The following SBK1 variants were observed in gnomAD, a reference collection of about 807,000 sequenced individuals.
The protein encoded by SBK1 is SH3 domain binding kinase 1, also known as serine/threonine-protein kinase SBK1.
In SBK1, 11 loss-of-function variants were observed where a neutral mutation model predicts 24.4. The observed-to-expected ratio is 0.45, with a 90% confidence interval of 0.28 to 0.75. The LOEUF (loss-of-function observed/expected upper bound fraction) is 0.75, where lower values mean the gene tolerates loss of function less well. SBK1 is among the 30% of genes least tolerant of loss of function. SBK1 has a pLI of 0.12. For synonymous variants in SBK1, 308 were observed against 284.4 expected, an observed-to-expected ratio of 1.08 and a Z score of -0.83; for missense variants, 467 against 620.5, an observed-to-expected ratio of 0.75 and a Z score of 2.63.
At chr16:28,312,314 C>T (rs1480235504) in intron 1 of SBK1, among the ~76,000 whole-genome samples, 2 of 152,318 alleles carry the variant, frequency 1.3e-5, no homozygotes, top group South Asian at 2.1e-4. Context: ...GCGGTCACCT[C>T]GGTTTTCTAA....
At chr16:28,293,858 C>T (rs2044620137) in intron 1 of SBK1, among the ~76,000 whole-genome samples, 1 of 152,130 alleles carries the variant, frequency 6.6e-6, no homozygotes, top group African/African-American at 2.4e-5. Context: ...TGCTGCCCGA[C>T]CCAGGCCACA....
intron 1 of SBK1, among the ~76,000 whole-genome samples, chr16:28,315,156 A>AT (rs974963590): frequency 5.9e-5 from 9 of 151,466 alleles, no homozygotes; most frequent in African/African-American, 4.9e-5. Flanking sequence ...GGAAAGGCTC[A>AT]TCCCCCATAG....
chr16:28,261,479 A>ACACACACACAC (rs2044397510), intron 1 of SBK1, among the ~76,000 whole-genome samples: 5 of 142,656 alleles, frequency 3.5e-5, no homozygotes, highest in African/African-American at 1.3e-4. Context: ...ACACACACAC[A>ACACACACACAC]ATTAGCCAGG....
At chr16:28,289,014 G>A (rs1205333511), upstream of SBK1, among the ~76,000 whole-genome samples, 1 of 152,134 alleles carries the variant, frequency 6.6e-6, no homozygotes, top group Non-Finnish European at 1.5e-5. Flanking sequence ...CCCAGATAAG[G>A]AATCAGGGAA....
chr16:28,261,379 G>C (rs2044396499), intron 1 of SBK1, among the ~76,000 whole-genome samples: 1 of 151,696 alleles, frequency 6.6e-6, no homozygotes, highest in Non-Finnish European at 1.5e-5. Context: ...TAGATCGCTT[G>C]AGCTCAGGAG....
rs1034206946 is a variant in SBK1, at chr16:28,322,153, C to T, written c.*1232C>T. The T allele has an allele frequency of 1.3e-5, 2 of 152,444 alleles. No homozygotes were observed. The highest frequency in any genetic ancestry group is 2.9e-5 in the Non-Finnish European group (2 of 68,208). 9.4% of individuals were successfully genotyped at this position (152,444 alleles called of 1,614,324 possible). On this transcript the variant is annotated 3_prime_UTR_variant, in exon 4 of 4. Coordinates refer to ENST00000341901, the MANE Select transcript of SBK1 (RefSeq NM_001024401.3). Reference sequence around the variant, plus strand: ...AGGGTGCAGACGCATGGGTGCCATCCTTTGCGTTCAGTGACTGTGCGTCCA... The same window carrying T: ...AGGGTGCAGACGCATGGGTGCCATCTTTTGCGTTCAGTGACTGTGCGTCCA...
At chr16:28,275,671 G>A (rs1274590501) in intron 1 of SBK1, among the ~76,000 whole-genome samples, 3 of 152,098 alleles carry the variant, frequency 2.0e-5, no homozygotes, top group Admixed American at 2.0e-4. Flanking sequence ...TTTGAGCCCA[G>A]GAGTTCAAGA....
upstream of SBK1, among the ~76,000 whole-genome samples, chr16:28,288,771 G>A (rs967785898): frequency 1.3e-5 from 2 of 152,132 alleles, no homozygotes; most frequent in Non-Finnish European, 2.9e-5. Flanking sequence ...AGCCATGCTG[G>A]TGCCCTCTCT....
intron 1 of SBK1, among the ~76,000 whole-genome samples, chr16:28,293,613 T>G (rs1273670482): frequency 6.6e-6 from 1 of 151,608 alleles, no homozygotes; most frequent in African/African-American, 2.4e-5. Context: ...GCTGCGAGCC[T>G]GGAGGTTGGC....
Position 28,320,881 on chromosome 16 carries a change from G to A in SBK1, c.1235G>A (p.Gly412Glu). ...GACGGCCGCGCGGACAAGAGCAAAGGGCAGGTGGTGCTGGCCACGGCCATC... is the reference window on the plus strand; with the variant it reads ...GACGGCCGCGCGGACAAGAGCAAAGAGCAGGTGGTGCTGGCCACGGCCATC... ...RTDGRADKSK[G>E]QVVLATAIEI... The change falls in exon 4 of 4, where the codon GGG becomes GAG. Residue 412 changes from glycine to glutamate, a missense_variant. Around this residue, in one of 4 missense-constraint regions of SBK1, gnomAD observed 166 missense variants for 146.8 expected, o/e 1.13. Coordinates refer to ENST00000341901, the MANE Select transcript of SBK1 (RefSeq NM_001024401.3). The surrounding 1 kb of genome is among the most constrained non-coding windows in gnomAD (Gnocchi z 8.5). 3 of 1,504,732 alleles carry A rather than the reference G, an allele frequency of 2.0e-6. No individual in the cohort carries two copies. The highest frequency in any genetic ancestry group is 2.7e-6 in the Non-Finnish European group (3 of 1,131,836). 93.2% of individuals were successfully genotyped at this position (1,504,732 alleles called of 1,614,324 possible).
chr16:28,295,624 C>A (rs968323207), intron 1 of SBK1, among the ~76,000 whole-genome samples: 3 of 152,072 alleles, frequency 2.0e-5, no homozygotes, highest in African/African-American at 7.2e-5. Context: ...TGGTAGGGCA[C>A]GTGCTGTAAA....
intron 1 of SBK1, among the ~76,000 whole-genome samples, chr16:28,294,901 C>G (rs983864020): frequency 2.6e-5 from 4 of 152,248 alleles, no homozygotes; most frequent in Admixed American, 2.6e-4. Flanking sequence ...ATCAGGTGCC[C>G]TGAAGACTGA....
rs1041811111 is a variant in SBK1 at position 28,323,532 on chromosome 16, A to T, written c.*2611A>T. 2 of 152,676 alleles carry T rather than the reference A, an allele frequency of 1.3e-5. No individual in the cohort carries two copies. The highest frequency in any genetic ancestry group is 2.9e-5 in the Non-Finnish European group (2 of 68,048). 9.5% of individuals were successfully genotyped at this position (152,676 alleles called of 1,614,324 possible). A position where few individuals can be genotyped will look rare whatever the true frequency, so the allele number is the denominator to read the frequency against. On this transcript the variant is annotated 3_prime_UTR_variant, in exon 4 of 4. Coordinates refer to ENST00000341901, the MANE Select transcript of SBK1 (RefSeq NM_001024401.3). ...AGCCCCCTGGATGGGAGGCGGGGCC[A>T]CAGGTCGGCTAGAGGGTCTCCACCA... is the stretch of plus-strand genomic sequence containing the variant.
intron 1 of SBK1, among the ~76,000 whole-genome samples, chr16:28,294,213 G>C (rs571450150): frequency 3.3e-5 from 5 of 152,212 alleles, no homozygotes; most frequent in Non-Finnish European, 7.4e-5. Context: ...AGGCTCTACC[G>C]CATATGAGGA....
chr16:28,305,036 A>G (rs370488181), intron 1 of SBK1, among the ~76,000 whole-genome samples: 1 of 151,690 alleles, frequency 6.6e-6, no homozygotes. Context: ...CAGCAGCCAT[A>G]TGGTGGAACT....
In SBK1 at chr16:28,319,219, G is replaced by A. The variant is rs1244264711; in HGVS notation, c.429+22G>A. 1.3e-6 allele frequency: 2 copies of A among 1,594,892 alleles called. No homozygotes were observed. On this transcript the variant is annotated intron_variant, in intron 3 of 3. Transcript: ENST00000341901. The surrounding 1 kb of genome is among the most constrained non-coding windows in gnomAD (Gnocchi z 4.0). ...CCAGGTACTCGGGATGGTGGCATAGGGTGGGGAAAGGGTCTTCAGGGTCCC... is the reference window on the plus strand; with the variant it reads ...CCAGGTACTCGGGATGGTGGCATAGAGTGGGGAAAGGGTCTTCAGGGTCCC...
At chr16:28,262,349 T>C (rs1205181040) in intron 1 of SBK1, among the ~76,000 whole-genome samples, 1 of 152,218 alleles carries the variant, frequency 6.6e-6, no homozygotes, top group Non-Finnish European at 1.5e-5. Flanking sequence ...TGGTGCATCC[T>C]GCTTCTGTGT....
chr16:28,290,702 GAAAA>G (rs1567674531), upstream of SBK1: 1 of 150,938 alleles, frequency 6.6e-6, no homozygotes. Flanking sequence ...GGCGGGGAGA[GAAAA>G]AGAAAGAAAG....
rs1377670243 is a variant in SBK1 at position 28,293,113 on chromosome 16, ACT to A, written c.-191_-190del. The A allele has an allele frequency of 1.0e-6, 1 of 985,054 alleles. No individual in the cohort carries two copies. The highest frequency in any genetic ancestry group is 1.1e-4 in the East Asian group (1 of 8,858). 61.0% of individuals were successfully genotyped at this position (985,054 alleles called of 1,614,324 possible). ...TAGGCAGCCGGGGACAGCAAGAGAC[ACT>A]CTCACCAGCAAGAAGCCTCGGGGAT... On this transcript the variant is annotated 5_prime_UTR_variant, in exon 1 of 4. Transcript: ENST00000341901.
Sources: gnomAD v4.1 joint callset for allele counts (sites outside exome capture counted in the v4.1 genomes callset) on GRCh38, gnomAD v4.1.1 for gene constraint, gnomAD v4.1.1 regional missense constraint, Gnocchi (gnomAD v3.1) non-coding constraint, MANE v1.5 for transcripts, NCBI Gene and HGNC (gene_info 2026-07-23, HGNC 2026-07-21) for gene names.